The following CSMD1 variants were observed in gnomAD, a reference collection of about 807,000 sequenced individuals.
CSMD1 encodes the protein CUB and sushi domain-containing protein 1.
CSMD1 carries 213 observed loss-of-function variants against 417.5 expected under a neutral mutation model. That is an observed-to-expected ratio of 0.51 (90% CI 0.46 to 0.57). The LOEUF (loss-of-function observed/expected upper bound fraction) is 0.57, where lower values mean the gene tolerates loss of function less well. Among genes scored for constraint, CSMD1 ranks in the 20% least tolerant of loss-of-function variants. The probability of loss-of-function intolerance (pLI) is 0.00; values close to 1 mark genes in which losing one functional copy is unlikely to be tolerated. For synonymous variants in CSMD1, 2,862 were observed against 1,736.8 expected, an observed-to-expected ratio of 1.65 and a Z score of -16.11; for missense variants, 6,923 against 4,529.7, an observed-to-expected ratio of 1.53 and a Z score of -15.17.
In CSMD1 at chr8:4,319,383, G is replaced by A. The variant is rs78286584; in HGVS notation, c.415+100570C>T. On this transcript the variant is annotated intron_variant, in intron 3 of 69. Coordinates refer to ENST00000635120, the MANE Select transcript of CSMD1 (RefSeq NM_033225.6). ...GCTGAATGTTTCTTTGAAATACTGA[G>A]CCTCTGGGGCCCATAATCGATACGT... Among the ~76,000 whole-genome samples the A allele has an allele frequency of 2.4e-3, 360 of 152,100 alleles. 2 individuals are homozygous for A. Among genetic ancestry groups the A allele is most frequent in the African/African-American group, 8.4e-3 (349 of 41,496 alleles).
At chr8:3,809,115 C>T (rs1015532516) in intron 5 of CSMD1, among the ~76,000 whole-genome samples, 2 of 152,162 alleles carry the variant, frequency 1.3e-5, no homozygotes, top group Non-Finnish European at 1.5e-5. Context: ...GGCACATGCT[C>T]TGCCCTCTAT....
chr8:3,970,166 G>A (rs1164777971), intron 5 of CSMD1, among the ~76,000 whole-genome samples: 1 of 151,112 alleles, frequency 6.6e-6, no homozygotes, highest in Non-Finnish European at 1.5e-5. Context: ...ACATTTGGCA[G>A]TTGAATAGGA....
At chr8:4,044,174 C>G (rs1798032580) in intron 3 of CSMD1, among the ~76,000 whole-genome samples, 1 of 152,134 alleles carries the variant, frequency 6.6e-6, no homozygotes. Flanking sequence ...GGGGTGGACT[C>G]ATTCATTCTA....
At chr8:4,490,609 A>G (rs998856607) in intron 2 of CSMD1, among the ~76,000 whole-genome samples, 3 of 152,200 alleles carry the variant, frequency 2.0e-5, no homozygotes, top group African/African-American at 7.2e-5. Context: ...AGAAAGAAAC[A>G]AAGACTGAAA....
Position 3,488,382 on chromosome 8 carries a change from A to G in CSMD1, c.1448+5241T>C, listed in dbSNP as rs558075259. ...CTCGGCTTCCCAAAGTTCCGGGATT[A>G]TAGGCGTATACCAGCATGCCTGGCC... On this transcript the variant is annotated intron_variant, in intron 11 of 69. Transcript: ENST00000635120. Among the ~76,000 whole-genome samples the G allele has an allele frequency of 2.6e-5, 4 of 152,290 alleles. No individual in the cohort carries two copies. The East Asian group carries it at 7.7e-4, about 29-fold the overall frequency.
intron 3 of CSMD1, among the ~76,000 whole-genome samples, chr8:4,363,368 G>A (rs181185105): frequency 2.4e-4 from 36 of 152,182 alleles, no homozygotes; most frequent in South Asian, 2.1e-4. Context: ...GTATGCATGT[G>A]CGTGCATGCT....
At chr8:4,272,333 C>T (rs909480911) in intron 3 of CSMD1, among the ~76,000 whole-genome samples, 3 of 152,020 alleles carry the variant, frequency 2.0e-5, no homozygotes. Context: ...CTACATTGAA[C>T]AAAAGCATGT....
At chr8:2,940,715 A>C (rs962972853) in intron 69 of CSMD1, among the ~76,000 whole-genome samples, 5 of 152,208 alleles carry the variant, frequency 3.3e-5, no homozygotes, top group Non-Finnish European at 4.4e-5. Context: ...ATGCATATAT[A>C]ATTATGTGGG....
intron 3 of CSMD1, among the ~76,000 whole-genome samples, chr8:4,363,649 G>A (rs1304971677): frequency 6.6e-6 from 1 of 152,128 alleles, no homozygotes; most frequent in African/African-American, 2.4e-5. Context: ...ACATACAACT[G>A]GCAGGCAGCC....
intron 3 of CSMD1, among the ~76,000 whole-genome samples, chr8:4,230,419 G>A (rs894261028): frequency 3.3e-5 from 5 of 152,098 alleles, no homozygotes; most frequent in Non-Finnish European, 5.9e-5. Flanking sequence ...ATAATCCAAG[G>A]TCTAACCTGT....
chr8:4,491,158 T>C (rs754049241), intron 2 of CSMD1, among the ~76,000 whole-genome samples: 1 of 152,128 alleles, frequency 6.6e-6, no homozygotes, highest in Non-Finnish European at 1.5e-5. Flanking sequence ...GACACAGGTT[T>C]ACCTATGTAA....
chr8:3,968,669 G>C (rs1429414315), intron 5 of CSMD1, among the ~76,000 whole-genome samples: 2 of 152,096 alleles, frequency 1.3e-5, no homozygotes, highest in African/African-American at 2.4e-5. Context: ...CCCGAAAGCT[G>C]ATAGTGTTAG....
At chr8:3,018,228 G>A (rs77298809) in intron 52 of CSMD1, among the ~76,000 whole-genome samples, 4 of 152,098 alleles carry the variant, frequency 2.6e-5, no homozygotes, top group Non-Finnish European at 4.4e-5. Context: ...TTGAGTGCAG[G>A]TACATTCTCA....
chr8:4,295,077 T>A (rs1263060082), intron 3 of CSMD1, among the ~76,000 whole-genome samples: 1 of 147,258 alleles, frequency 6.8e-6, no homozygotes. Context: ...ATTACACACA[T>A]ATAATCTTAA....
At chr8:3,090,510 G>A (rs913635123) in intron 48 of CSMD1, among the ~76,000 whole-genome samples, 10 of 152,014 alleles carry the variant, frequency 6.6e-5, no homozygotes, top group Non-Finnish European at 1.0e-4. Flanking sequence ...TCAAAATCTT[G>A]ATGCTTTTTA....
At chr8:4,193,761 C>A (rs910033717) in intron 3 of CSMD1, among the ~76,000 whole-genome samples, 3 of 152,130 alleles carry the variant, frequency 2.0e-5, no homozygotes, top group African/African-American at 7.2e-5. Context: ...TTTTGGCTGG[C>A]AAGTTATGGA....
chr8:4,178,505 C>G (rs531352664), intron 3 of CSMD1, among the ~76,000 whole-genome samples: 24 of 151,270 alleles, frequency 1.6e-4, no homozygotes, highest in African/African-American at 5.8e-4. Flanking sequence ...GAAGCATTCC[C>G]TTTGAAAACT....
At chr8:3,102,912 G>C (rs557424317) in intron 46 of CSMD1, among the ~76,000 whole-genome samples, 7 of 152,230 alleles carry the variant, frequency 4.6e-5, no homozygotes, top group African/African-American at 1.7e-4. Flanking sequence ...AGAATTCAAC[G>C]AGTTTTATTA....
At chr8:3,367,399 G>C (rs1361091947) in intron 19 of CSMD1, among the ~76,000 whole-genome samples, 152 bp from the exon 20 acceptor site, 1 of 151,798 alleles carries the variant, frequency 6.6e-6, no homozygotes. Flanking sequence ...AGATTGCAGA[G>C]AGTAATAGCC....
Sources: gnomAD v4.1 joint callset for allele counts (sites outside exome capture counted in the v4.1 genomes callset) on GRCh38, gnomAD v4.1.1 for gene constraint, MANE v1.5 for transcripts, NCBI Gene and HGNC (gene_info 2026-07-23, HGNC 2026-07-21) for gene names.